The following MEOX2 variants were observed in gnomAD, a reference collection of about 807,000 sequenced individuals.
The protein encoded by MEOX2 is mesenchyme homeobox 2.
A neutral mutation model predicts 27.0 loss-of-function variants in MEOX2; 11 were observed. The observed-to-expected ratio is 0.41, with a 90% CI of 0.26 to 0.68. The LOEUF (loss-of-function observed/expected upper bound fraction) is 0.68. MEOX2 is among the 30% of genes least tolerant of loss of function. The probability of loss-of-function intolerance (pLI) is 0.33; values close to 1 mark genes in which losing one functional copy is unlikely to be tolerated. For missense variants in MEOX2, 436 were observed against 385.4 expected, an observed-to-expected ratio of 1.13 and a Z score of -1.10; for synonymous variants, 189 against 155.4, an observed-to-expected ratio of 1.22 and a Z score of -1.61.
chr7:15,636,576 G>GT (rs965993689), intron 1 of MEOX2, among the ~76,000 whole-genome samples: 4 of 151,862 alleles, frequency 2.6e-5, no homozygotes, highest in African/African-American at 9.7e-5. Context: ...AATTGTGATT[G>GT]TTTTTTGCAA....
chr7:15,633,048 T>C (rs1022564552), intron 1 of MEOX2, among the ~76,000 whole-genome samples: 3 of 151,948 alleles, frequency 2.0e-5, no homozygotes, highest in African/African-American at 4.8e-5. Flanking sequence ...GTACCACTTC[T>C]GTCAGCTCCC....
At chr7:15,678,490 T>G (rs1782238210) in intron 1 of MEOX2, among the ~76,000 whole-genome samples, 1 of 152,206 alleles carries the variant, frequency 6.6e-6, no homozygotes, top group Admixed American at 6.5e-5. Context: ...TTTGCAAAAT[T>G]TGCTTTGCAT....
intron 2 of MEOX2, among the ~76,000 whole-genome samples, chr7:15,613,124 C>T (rs1781059325): frequency 6.6e-6 from 1 of 152,210 alleles, no homozygotes; most frequent in Admixed American, 6.5e-5. Context: ...GACCATTCCA[C>T]CTCACACTGA....
At chr7:15,657,994 T>C (rs1474039407) in intron 1 of MEOX2, among the ~76,000 whole-genome samples, 1 of 152,190 alleles carries the variant, frequency 6.6e-6, no homozygotes, top group African/African-American at 2.4e-5. Context: ...TACTGCCAGC[T>C]GGAGGTAGGA....
In MEOX2 at chr7:15,686,407, T is replaced by G; in HGVS notation, c.-5A>C. 1.9e-6 allele frequency: 3 copies of G among 1,561,730 alleles called. No individual in the cohort carries two copies. The highest frequency in any genetic ancestry group is 2.6e-6 in the Non-Finnish European group (3 of 1,152,338). On this transcript the variant is annotated 5_prime_UTR_variant, in exon 1 of 3. The change abolishes an upstream ATG in the 5' untranslated region. Coordinates refer to ENST00000262041, the MANE Select transcript of MEOX2 (RefSeq NM_005924.5). ...GCCAAAGAGCGGGTGTTCCATAGCATGCAAGTTTCGGGTTCCAGGCAGAAG... is the reference window on the plus strand; with the variant it reads ...GCCAAAGAGCGGGTGTTCCATAGCAGGCAAGTTTCGGGTTCCAGGCAGAAG...
At chr7:15,615,552 T>C (rs1282252411) in intron 2 of MEOX2, among the ~76,000 whole-genome samples, 1 of 152,096 alleles carries the variant, frequency 6.6e-6, no homozygotes, top group African/African-American at 2.4e-5. Flanking sequence ...ATAATTTAGG[T>C]AATTACGCTA....
At chr7:15,672,402 G>C (rs2115391447) in intron 1 of MEOX2, among the ~76,000 whole-genome samples, 1 of 152,206 alleles carries the variant, frequency 6.6e-6, no homozygotes, top group South Asian at 2.1e-4. Context: ...AATGTAATGA[G>C]GCATTCTCAC....
At chr7:15,638,417 T>C (rs1479278403) in intron 1 of MEOX2, among the ~76,000 whole-genome samples, 1 of 152,178 alleles carries the variant, frequency 6.6e-6, no homozygotes, top group African/African-American at 2.4e-5. Context: ...AATACTTTGT[T>C]TTATTTAGTC....
At chr7:15,683,419 G>A (rs555082612) in intron 1 of MEOX2, among the ~76,000 whole-genome samples, 5 of 151,860 alleles carry the variant, frequency 3.3e-5, no homozygotes, top group East Asian at 1.9e-4. Context: ...CAGGAGTTCC[G>A]AAATCACTTC....
chr7:15,649,689 G>A (rs988048021), intron 1 of MEOX2, among the ~76,000 whole-genome samples: 9 of 152,046 alleles, frequency 5.9e-5, no homozygotes, highest in Admixed American at 1.3e-4. Context: ...TCGATGCCAT[G>A]AATGAATGAC....
intron 2 of MEOX2, 116 bp downstream of exon 2, chr7:15,626,630 A>G (rs944459201): frequency 1.5e-6 from 1 of 681,892 alleles, no homozygotes; most frequent in South Asian, 2.4e-5. Context: ...GAATAGTATA[A>G]CTGTCTTCCA....
At chr7:15,684,745 C>A (rs2115400244) in intron 1 of MEOX2, among the ~76,000 whole-genome samples, 1 of 152,286 alleles carries the variant, frequency 6.6e-6, no homozygotes, top group South Asian at 2.1e-4. Flanking sequence ...GAAAAATATG[C>A]AAATATTATA....
At chr7:15,665,284 A>C (rs1781983718) in intron 1 of MEOX2, among the ~76,000 whole-genome samples, 1 of 149,808 alleles carries the variant, frequency 6.7e-6, no homozygotes, top group Non-Finnish European at 1.5e-5. Context: ...TTTACCTTAA[A>C]GTATGAAAAA....
chr7:15,613,978 TC>T (rs1451516564), intron 2 of MEOX2, among the ~76,000 whole-genome samples: 1 of 151,990 alleles, frequency 6.6e-6, no homozygotes, highest in African/African-American at 2.4e-5. Flanking sequence ...GTATGCTGTT[TC>T]TTTTTCCTTT....
chr7:15,654,349 T>A (rs1437406361), intron 1 of MEOX2, among the ~76,000 whole-genome samples: 1 of 151,928 alleles, frequency 6.6e-6, no homozygotes, highest in Non-Finnish European at 1.5e-5. Flanking sequence ...ACATGTATCA[T>A]CTGCAAATAA....
Position 15,686,022 on chromosome 7 carries a change from C to T in MEOX2, c.381G>A (p.Leu127=). ...PPELGSSPPV[L]CSNSSSLGSS... is the part of the protein sequence containing the mutation. The stretch of plus-strand genomic sequence containing the variant: ...AGCCCAAGCTGGAAGAGTTGGAGCA[C>T]AGGACGGGCGGGCTGCTCCCCAACT... The change falls in exon 1 of 3, where the codon CTG becomes CTA. Residue 127 remains leucine (L), a synonymous_variant. Transcript: ENST00000262041. The T allele has an allele frequency of 6.2e-7, 1 of 1,607,526 alleles. No homozygotes were observed. The highest frequency in any genetic ancestry group is 8.5e-7 in the Non-Finnish European group (1 of 1,179,574).
chr7:15,659,732 C>T (rs914056723), intron 1 of MEOX2, among the ~76,000 whole-genome samples: 2 of 141,474 alleles, frequency 1.4e-5, no homozygotes, highest in Non-Finnish European at 3.0e-5. Context: ...TGCACTCCAG[C>T]CTGGGTGACA....
At chr7:15,668,986 T>C (rs1343779000) in intron 1 of MEOX2, among the ~76,000 whole-genome samples, 1 of 152,194 alleles carries the variant, frequency 6.6e-6, no homozygotes, top group African/African-American at 2.4e-5. Context: ...TTACCTCTCC[T>C]TACTATGTCC....
At chr7:15,620,767 C>G (rs1271502419) in intron 2 of MEOX2, among the ~76,000 whole-genome samples, 1 of 152,076 alleles carries the variant, frequency 6.6e-6, no homozygotes, top group Non-Finnish European at 1.5e-5. Context: ...AGTATGATCT[C>G]GTTAGGTGGG....
Sources: allele counts gnomAD v4.1 joint callset (sites outside exome capture counted in the v4.1 genomes callset), GRCh38; gene constraint gnomAD v4.1.1; transcripts MANE v1.5; gene names NCBI Gene and HGNC (gene_info 2026-07-23, HGNC 2026-07-21).